The following HEMGN variants were observed in gnomAD, a reference collection of about 807,000 sequenced individuals.
HEMGN encodes the protein erythroid differentiation-associated gene protein.
HEMGN carries 32 observed loss-of-function variants against 45.7 expected under a neutral mutation model. The ratio of observed to expected loss-of-function variants is 0.70; its 90% CI spans 0.53 to 0.94. The LOEUF is 0.94. Among genes scored for constraint, HEMGN ranks in the 40% least tolerant of loss-of-function variants. HEMGN has a pLI of 0.00. For synonymous variants in HEMGN, 183 were observed against 178.6 expected, an observed-to-expected ratio of 1.02 and a Z score of -0.20; for missense variants, 530 against 564.2, an observed-to-expected ratio of 0.94 and a Z score of 0.61.
Position 97,930,508 on chromosome 9 carries a change from C to A in HEMGN, c.887G>T (p.Gly296Val), listed in dbSNP as rs750340722. The A allele has an allele frequency of 6.2e-7, 1 of 1,613,784 alleles. No individual in the cohort carries two copies. Among genetic ancestry groups the A allele is most frequent in the Non-Finnish European group, 8.5e-7 (1 of 1,179,866 alleles). Reference sequence around the variant, plus strand: ...TATTTCTTGTATTTTAGGAAAAAGGCCTTCTGTCTCAGCTATTCCTTGATC... The same window carrying A: ...TATTTCTTGTATTTTAGGAAAAAGGACTTCTGTCTCAGCTATTCCTTGATC... ...ETDQGIAETEGLFPKIQEIAE... is the reference protein window; with the variant it reads ...ETDQGIAETEVLFPKIQEIAE... The change falls in exon 3 of 4, where the codon GGC becomes GTC. Residue 296 changes from glycine to valine, a missense_variant. By Grantham distance (109) the Gly-to-Val change is moderately radical (BLOSUM62 -3). Coordinates refer to ENST00000616898, the MANE Select transcript of HEMGN (RefSeq NM_197978.3).
intron 3 of HEMGN, among the ~76,000 whole-genome samples, chr9:97,928,520 G>C (rs564595865): frequency 6.6e-6 from 1 of 152,188 alleles, no homozygotes; most frequent in South Asian, 2.1e-4. Context: ...TGATTTCTAG[G>C]GGTTGATTCA....
intron 3 of HEMGN, among the ~76,000 whole-genome samples, chr9:97,929,612 C>T (rs1419807649): frequency 2.9e-5 from 4 of 136,024 alleles, no homozygotes; most frequent in Non-Finnish European, 6.8e-5. Context: ...TTATATTTTA[C>T]AGCTTTTATC....
rs1441229185 is a variant in HEMGN, at chr9:97,931,093, A to G, written c.302T>C (p.Leu101Pro). Residue 101 changes from leucine (L) to proline (P), a missense_variant, in exon 3 of 4, where the codon CTG becomes CCG. Coordinates refer to ENST00000616898, the MANE Select transcript of HEMGN (RefSeq NM_197978.3). Reference sequence around the variant, plus strand: ...CTCAGTTTTTTTCTCTATAGGTGCCAGTGCTTTCTCCACTATTTCCTTTTC... The same window carrying G: ...CTCAGTTTTTTTCTCTATAGGTGCCGGTGCTTTCTCCACTATTTCCTTTTC... ...QIEKEIVEKA[L>P]APIEKKTEPP... 3 of 1,614,132 alleles carry G rather than the reference A, an allele frequency of 1.9e-6. No individual in the cohort carries two copies. Among genetic ancestry groups the G allele is most frequent in the South Asian group, 2.2e-5 (2 of 91,078 alleles).
At chr9:97,933,549 G>A (rs146038605) in intron 2 of HEMGN, among the ~76,000 whole-genome samples, 125 of 152,254 alleles carry the variant, frequency 8.2e-4, no homozygotes, top group Non-Finnish European at 1.4e-3. Context: ...GTTTACTCAG[G>A]GGTAGTGAAG....
upstream of HEMGN, among the ~76,000 whole-genome samples, chr9:97,942,892 A>T (rs1827172833): frequency 1.3e-5 from 2 of 152,200 alleles, no homozygotes; most frequent in Non-Finnish European, 2.9e-5. Flanking sequence ...TATATTGATA[A>T]AAATTATAGC....
intron 2 of HEMGN, among the ~76,000 whole-genome samples, chr9:97,932,874 A>G (rs1470167988): frequency 4.6e-5 from 7 of 152,134 alleles, no homozygotes; most frequent in African/African-American, 7.2e-5. Context: ...TATTACTACA[A>G]GTAACCAAGG....
At chr9:97,935,378 T>G (rs1827040355) in intron 2 of HEMGN, among the ~76,000 whole-genome samples, 1 of 152,176 alleles carries the variant, frequency 6.6e-6, no homozygotes, top group African/African-American at 2.4e-5. Flanking sequence ...TTGACAATGT[T>G]TGGAGACATT....
upstream of HEMGN, among the ~76,000 whole-genome samples, chr9:97,939,329 G>A (rs1827118381): frequency 6.6e-6 from 1 of 152,128 alleles, no homozygotes; most frequent in Non-Finnish European, 1.5e-5. Flanking sequence ...ATTGAACTTG[G>A]TCAGTAAATG....
chr9:97,927,827 G>A (rs1826858109), intron 3 of HEMGN, among the ~76,000 whole-genome samples: 1 of 151,972 alleles, frequency 6.6e-6, no homozygotes, highest in South Asian at 2.1e-4. Flanking sequence ...ATTTAAAGAG[G>A]TTTTTTAATC....
upstream of HEMGN, among the ~76,000 whole-genome samples, chr9:97,941,420 C>T (rs947554392): frequency 1.3e-5 from 2 of 152,068 alleles, no homozygotes; most frequent in Non-Finnish European, 2.9e-5. Context: ...AGGAGTGATA[C>T]GATCTGACTT....
chr9:97,936,295 T>G (rs576432009), intron 1 of HEMGN, 31 bp from the exon 2 acceptor site: 45 of 1,437,344 alleles, frequency 3.1e-5, no homozygotes, highest in Non-Finnish European at 4.3e-5. Context: ...TTAGAAAAAG[T>G]GATGAACTGT....
At chr9:97,936,318 CA>C in intron 1 of HEMGN, 54 bp from the exon 2 acceptor site, 2 of 1,247,516 alleles carry the variant, frequency 1.6e-6, no homozygotes, top group Non-Finnish European at 1.2e-6. Flanking sequence ...TGTCTATCAG[CA>C]AAAGTCCTGT....
upstream of HEMGN, among the ~76,000 whole-genome samples, chr9:97,942,812 A>G (rs1827171264): frequency 6.6e-6 from 1 of 152,308 alleles, no homozygotes; most frequent in African/African-American, 2.4e-5. Flanking sequence ...AGCTCAGGCC[A>G]TGTACTGGAT....
At chr9:97,932,505 A>G (rs1474066079) in intron 2 of HEMGN, among the ~76,000 whole-genome samples, 1 of 152,174 alleles carries the variant, frequency 6.6e-6, no homozygotes, top group Admixed American at 6.5e-5. Flanking sequence ...TGAAAATTAT[A>G]TTTAAAAAAG....
At chr9:97,940,322 C>G (rs1184990673), upstream of HEMGN, among the ~76,000 whole-genome samples, 1 of 152,168 alleles carries the variant, frequency 6.6e-6, no homozygotes, top group African/African-American at 2.4e-5. Context: ...TATCCTGCTA[C>G]AACCTACCTA....
At chr9:97,931,995 G>A (rs1312583690) in intron 2 of HEMGN, among the ~76,000 whole-genome samples, 2 of 152,134 alleles carry the variant, frequency 1.3e-5, no homozygotes, top group East Asian at 3.8e-4. Flanking sequence ...GCTGGGGGCT[G>A]GGGGCTGGGG....
Position 97,932,280 on chromosome 9 carries a change from G to C in HEMGN, c.174-1059C>G, listed in dbSNP as rs1826968420. 2.6e-5 allele frequency among the ~76,000 whole-genome samples: 4 copies of C among 152,128 alleles called. 1 individual carries two copies. The Middle Eastern group carries it at 0.01, about 388-fold the overall frequency. ...CCAGTGTTTTTTACATCTTTATAGT[G>C]CCCATCGTTCCTTGCATATTTAAAA... On this transcript the variant is annotated intron_variant, in intron 2 of 3. Coordinates refer to ENST00000616898, the MANE Select transcript of HEMGN (RefSeq NM_197978.3).
chr9:97,930,028 C>T lies in HEMGN; in HGVS notation c.1360+7G>A. 6.2e-7 allele frequency: 1 copy of T among 1,609,296 alleles called. No individual in the cohort carries two copies. Reference sequence around the variant, plus strand: ...GTACCTACCTTGGTGCTATAAACAGCCCTTACCTTGAGGAAAAGTATAAGC... The same window carrying T: ...GTACCTACCTTGGTGCTATAAACAGTCCTTACCTTGAGGAAAAGTATAAGC... On this transcript the variant is annotated splice_region_variant and intron_variant, in intron 3 of 3. Coordinates refer to ENST00000616898, the MANE Select transcript of HEMGN (RefSeq NM_197978.3).
chr9:97,930,557 C>T lies in HEMGN; in HGVS notation c.838G>A (p.Glu280Lys). Residue 280 changes from glutamate to lysine, a missense_variant, in exon 3 of 4, where the codon GAA becomes AAA. Physicochemically the swap from Glu to Lys is moderately conservative, Grantham distance 56. Transcript: ENST00000616898. ...TCTGTTTCATTGTATTCCTCTGGTT[C>T]TGCTGGATTTTGGTCTGTGTCAAGA... ...YILDTDQNPA[E>K]PEEYNETDQG... is the part of the protein sequence containing the mutation. The T allele has an allele frequency of 1.2e-6, 2 of 1,614,118 alleles. No homozygotes were observed. Among genetic ancestry groups the T allele is most frequent in the Non-Finnish European group, 1.7e-6 (2 of 1,180,016 alleles).
Sources: allele counts gnomAD v4.1 joint callset (sites outside exome capture counted in the v4.1 genomes callset), GRCh38; gene constraint gnomAD v4.1.1; transcripts MANE v1.5; gene names NCBI Gene and HGNC (gene_info 2026-07-23, HGNC 2026-07-21).